The following WDR12 variants were observed in gnomAD, a reference collection of about 807,000 sequenced individuals.
WDR12 encodes WD repeat domain 12.
WDR12 carries 42 observed loss-of-function variants against 64.3 expected under a neutral mutation model. The observed-to-expected ratio is 0.65, with a 90% confidence interval of 0.51 to 0.84. WDR12 has a LOEUF of 0.84. Among genes scored for constraint, WDR12 ranks in the 40% least tolerant of loss-of-function variants. The pLI is 0.00. For synonymous variants in WDR12, 158 were observed against 173.3 expected, an observed-to-expected ratio of 0.91 and a Z score of 0.70; for missense variants, 469 against 494.6, an observed-to-expected ratio of 0.95 and a Z score of 0.49.
intron 3 of WDR12, 114 bp downstream of exon 3, chr2:202,900,911 A>C (rs1688336786): frequency 1.3e-6 from 1 of 769,664 alleles, no homozygotes; most frequent in Non-Finnish European, 2.0e-6. Context: ...TAGCCAATAT[A>C]TTAAAAAGAA....
At chr2:202,899,031 GGTTTT>G (rs1559162599) in intron 4 of WDR12, among the ~76,000 whole-genome samples, 6 of 121,904 alleles carry the variant, frequency 4.9e-5, no homozygotes, top group Non-Finnish European at 6.6e-5. Flanking sequence ...AAATACCTGT[GGTTTT>G]TTTTTTTTTT....
intron 12 of WDR12, 147 bp downstream of exon 12, chr2:202,882,564 G>C: frequency 1.5e-6 from 1 of 654,020 alleles, no homozygotes; most frequent in Non-Finnish European, 2.6e-6. Flanking sequence ...TCCTGACCTC[G>C]TGATCTGCCC....
At position 202,906,193 on chromosome 2, in the gene WDR12, A is replaced by G. The variant is rs185609891; in HGVS notation, c.136+1672T>C. ...AAAAGAATATTTCTTATTCTAGTTC[A>G]AAGACTTGTTCAACAAATAGACTAT... On this transcript the variant is annotated intron_variant, in intron 2 of 12. Coordinates refer to ENST00000261015, the MANE Select transcript of WDR12 (RefSeq NM_018256.4). Among the ~76,000 whole-genome samples the G allele has an allele frequency of 1.1e-4, 16 of 152,330 alleles. No homozygotes were observed. In the East Asian group the frequency reaches 2.7e-3, roughly 26 times the overall value.
chr2:202,901,684 T>C (rs1264182509), intron 2 of WDR12, among the ~76,000 whole-genome samples: 2 of 152,188 alleles, frequency 1.3e-5, no homozygotes, highest in Admixed American at 6.6e-5. Flanking sequence ...TCCTCCTTTT[T>C]CTCCTTGCCA....
intron 10 of WDR12, 142 bp from the exon 11 acceptor site, chr2:202,883,883 G>C: frequency 1.2e-6 from 1 of 810,766 alleles, no homozygotes; most frequent in South Asian, 1.9e-5. Flanking sequence ...TGCAATCTTG[G>C]CTCACTGCAA....
chr2:202,883,623 C>T lies in WDR12; in HGVS notation c.1107G>A (p.Leu369=), dbSNP rs1022075040. The change falls in exon 11 of 13, where the codon CTG becomes CTA. Residue 369 remains leucine (L), a synonymous_variant. Transcript: ENST00000261015. ...ISGSLDNIVK[L]WDTRSCKAPL... is the part of the protein sequence containing the mutation. ...ATAGAATTTACCTTCTTGTATCCCA[C>T]AGCTTAACAATGTTATCTAAAGATC... 27 of 1,613,946 alleles carry T rather than the reference C, an allele frequency of 1.7e-5. No individual in the cohort carries two copies. Among genetic ancestry groups the T allele is most frequent in the Non-Finnish European group, 2.2e-5 (26 of 1,179,962 alleles).
In WDR12 at chr2:202,911,485, G is replaced by C. The variant is rs1464405159; in HGVS notation, c.-9C>G. 1 of 1,614,084 alleles carries C rather than the reference G, an allele frequency of 6.2e-7. No homozygotes were observed. The highest frequency in any genetic ancestry group is 8.5e-7 in the Non-Finnish European group (1 of 1,179,976). On this transcript the variant is annotated 5_prime_UTR_variant, in exon 1 of 13. Transcript: ENST00000261015. Reference sequence around the variant, plus strand: ...GTTTGGAGCTGAGCCATGGCGAGGAGTACACACGACTTGCCCACGGAAACG... The same window carrying C: ...GTTTGGAGCTGAGCCATGGCGAGGACTACACACGACTTGCCCACGGAAACG...
chr2:202,892,472 C>T (rs1688171828), intron 8 of WDR12, 145 bp downstream of exon 8: 1 of 486,858 alleles, frequency 2.1e-6, no homozygotes. Context: ...TAAAAATTTA[C>T]AAGTCTACTG....
chr2:202,896,326 T>C, intron 5 of WDR12, 107 bp from the exon 6 acceptor site: 2 of 1,264,194 alleles, frequency 1.6e-6, no homozygotes, highest in Non-Finnish European at 2.1e-6. Context: ...TTGAAAAAGA[T>C]GTTAAAAAGA....
intron 7 of WDR12, among the ~76,000 whole-genome samples, chr2:202,894,148 T>C (rs1464916055): frequency 2.0e-5 from 3 of 152,072 alleles, no homozygotes; most frequent in East Asian, 3.9e-4. Context: ...CAAAGAAATA[T>C]ATGAATTTGT....
At chr2:202,887,020 C>A (rs1688059990) in intron 8 of WDR12, among the ~76,000 whole-genome samples, 1 of 151,928 alleles carries the variant, frequency 6.6e-6, no homozygotes, top group African/African-American at 2.4e-5. Context: ...TGAATAATAC[C>A]ACAGTTTTGT....
rs1211951306 is a variant in WDR12, at chr2:202,875,211, A to T, written c.*5649T>A. 1 of 152,136 alleles carries T rather than the reference A, an allele frequency of 6.6e-6. No individual in the cohort carries two copies. Among genetic ancestry groups the T allele is most frequent in the Non-Finnish European group, 1.5e-5 (1 of 68,042 alleles). 9.4% of individuals were successfully genotyped at this position (152,136 alleles called of 1,614,324 possible). On this transcript the variant is annotated 3_prime_UTR_variant, in exon 13 of 13. Coordinates refer to ENST00000261015, the MANE Select transcript of WDR12 (RefSeq NM_018256.4). Reference sequence around the variant, plus strand: ...TAATTTCTAAAATTCATTTTTGCTTATATACAATTCCTATTAGAATATACA... The same window carrying T: ...TAATTTCTAAAATTCATTTTTGCTTTTATACAATTCCTATTAGAATATACA...
chr2:202,875,539 C>G lies in WDR12; in HGVS notation c.*5321G>C, dbSNP rs1687844520. Reference sequence around the variant, plus strand: ...AAGTAGCTGGGATTACAGGCATGTGCCACTATGACTGGCTAATTTTGTATT... The same window carrying G: ...AAGTAGCTGGGATTACAGGCATGTGGCACTATGACTGGCTAATTTTGTATT... On this transcript the variant is annotated 3_prime_UTR_variant, in exon 13 of 13. Coordinates refer to ENST00000261015, the MANE Select transcript of WDR12 (RefSeq NM_018256.4). 6.6e-6 allele frequency: 1 copy of G among 152,098 alleles called. No homozygotes were observed. The highest frequency in any genetic ancestry group is 6.6e-5 in the Admixed American group (1 of 15,250). 9.4% of individuals were successfully genotyped at this position (152,098 alleles called of 1,614,324 possible). A position where few individuals can be genotyped will look rare whatever the true frequency, so the allele number is the denominator to read the frequency against.
intron 12 of WDR12, among the ~76,000 whole-genome samples, chr2:202,882,487 C>G (rs1011056306): frequency 1.3e-5 from 2 of 152,084 alleles, no homozygotes; most frequent in African/African-American, 4.8e-5. Context: ...CGCCACCATG[C>G]CCGGCTAATT....
intron 2 of WDR12, among the ~76,000 whole-genome samples, chr2:202,904,138 C>CAAAAAAAAAAA (rs34378996): frequency 4.9e-3 from 187 of 38,470 alleles, no homozygotes; most frequent in African/African-American, 6.6e-3. Flanking sequence ...AACTCTGTCT[C>CAAAAAAAAAAA]AAAAAAAAAA....
At chr2:202,885,568 C>T (rs1170170638) in intron 8 of WDR12, among the ~76,000 whole-genome samples, 2 of 152,178 alleles carry the variant, frequency 1.3e-5, no homozygotes, top group African/African-American at 4.8e-5. Context: ...CTACACAACT[C>T]CTCCAGGTAA....
In WDR12 at chr2:202,876,220, C is replaced by T. The variant is rs1177473919; in HGVS notation, c.*4640G>A. On this transcript the variant is annotated 3_prime_UTR_variant, in exon 13 of 13. Transcript: ENST00000261015. Reference sequence around the variant, plus strand: ...CCTGGGCAACATAGCAAGACGCCATCTCCACAAAAATAAAAAAAATAGCTG... The same window carrying T: ...CCTGGGCAACATAGCAAGACGCCATTTCCACAAAAATAAAAAAAATAGCTG... 1 of 152,096 alleles carries T rather than the reference C, an allele frequency of 6.6e-6. No individual in the cohort carries two copies. Among genetic ancestry groups the T allele is most frequent in the African/African-American group, 2.4e-5 (1 of 41,380 alleles). 9.4% of individuals were successfully genotyped at this position (152,096 alleles called of 1,614,324 possible).
rs1350770191 is a variant in WDR12, at chr2:202,877,849, G to A, written c.*3011C>T. On this transcript the variant is annotated 3_prime_UTR_variant, in exon 13 of 13. Transcript: ENST00000261015. ...CCACTCATTTATCCAAGTGATTCTT[G>A]GGAATATATAAGTCCATGTAAAGCA... 1 of 152,162 alleles carries A rather than the reference G, an allele frequency of 6.6e-6. No individual in the cohort carries two copies. Among genetic ancestry groups the A allele is most frequent in the Admixed American group, 6.6e-5 (1 of 15,262 alleles). 9.4% of individuals were successfully genotyped at this position (152,162 alleles called of 1,614,324 possible). A position where few individuals can be genotyped will look rare whatever the true frequency, so the allele number is the denominator to read the frequency against.
At chr2:202,908,066 A>G in intron 1 of WDR12, 107 bp from the exon 2 acceptor site, 1 of 1,031,020 alleles carries the variant, frequency 9.7e-7, no homozygotes, top group Non-Finnish European at 1.5e-6. Flanking sequence ...CCAGACATCC[A>G]GACATTTTGC....
Sources: gnomAD v4.1 joint callset for allele counts (sites outside exome capture counted in the v4.1 genomes callset) on GRCh38, gnomAD v4.1.1 for gene constraint, MANE v1.5 for transcripts, NCBI Gene and HGNC (gene_info 2026-07-23, HGNC 2026-07-21) for gene names.